SCAMP1: variants seen among roughly 807,000 people sequenced by gnomAD.
The protein encoded by SCAMP1 is secretory carrier-associated membrane protein 1.
In SCAMP1, 15 loss-of-function variants were observed where a neutral mutation model predicts 41.8. That is an observed-to-expected ratio of 0.36 (90% CI 0.24 to 0.55). The LOEUF is 0.55. Among genes scored for constraint, SCAMP1 ranks in the 20% least tolerant of loss-of-function variants. The pLI is 0.86. For synonymous variants in SCAMP1, 135 were observed against 136.8 expected (o/e 0.99, Z 0.09); for missense variants, 341 against 412.6 (o/e 0.83, Z 1.50).
At chr5:78,392,185 C>T (rs1367656197) in intron 2 of SCAMP1, among the ~76,000 whole-genome samples, 2 of 149,206 alleles carry the variant, frequency 1.3e-5, no homozygotes, top group African/African-American at 5.2e-5. Flanking sequence ...TTAGATTACT[C>T]TTATCAGTTG....
chr5:78,377,774 A>C (rs1751102959), intron 1 of SCAMP1, among the ~76,000 whole-genome samples: 1 of 152,110 alleles, frequency 6.6e-6, no homozygotes, highest in Admixed American at 6.6e-5. Flanking sequence ...TAGCAGCCTC[A>C]CCTGTCACTT....
At chr5:78,454,398 G>A (rs1753328489) in intron 7 of SCAMP1, among the ~76,000 whole-genome samples, 1 of 152,144 alleles carries the variant, frequency 6.6e-6, no homozygotes. Flanking sequence ...ATGAAGTGTT[G>A]TTGAATTTTG....
Position 78,406,566 on chromosome 5 carries a change from T to G in SCAMP1, c.136-8954T>G, listed in dbSNP as rs1751940149. ...TTTAAAATGAATCACCCTTGGAATT[T>G]CCAGTGCAGAGAGCTTACTATATTA... is the stretch of plus-strand genomic sequence containing the variant. On this transcript the variant is annotated intron_variant, in intron 2 of 8. Coordinates refer to ENST00000621999, the MANE Select transcript of SCAMP1 (RefSeq NM_004866.6). 1.3e-5 allele frequency among the ~76,000 whole-genome samples: 2 copies of G among 152,282 alleles called. 1 individual carries two copies. The highest frequency in any genetic ancestry group is 4.1e-4 in the South Asian group (2 of 4,830).
chr5:78,460,816 C>CTTTCTTTCTTT lies in SCAMP1; in HGVS notation c.852+1454_852+1455insTTTCTTTCTTT, dbSNP rs1325107681. Among the ~76,000 whole-genome samples, 17 of 26,820 alleles carry CTTTCTTTCTTT rather than the reference C, an allele frequency of 6.3e-4. 1 individual carries two copies. Among genetic ancestry groups the CTTTCTTTCTTT allele is most frequent in the African/African-American group, 1.5e-3 (17 of 11,544 alleles). 17.6% of individuals were successfully genotyped at this position (26,820 alleles called of 152,430 possible). ...TCCTTCCTTCCTTCCTCCCTTCCTTCCTTCCTTTCTTGTCTTTCCTCTATC... is the reference window on the plus strand; with the variant it reads ...TCCTTCCTTCCTTCCTCCCTTCCTTCTTTCTTTCTTTCTTCCTTTCTTGTCTTTCCTCTATC... On this transcript the variant is annotated intron_variant, in intron 8 of 8. Coordinates refer to ENST00000621999, the MANE Select transcript of SCAMP1 (RefSeq NM_004866.6).
chr5:78,392,427 G>A (rs1751543543), intron 2 of SCAMP1, among the ~76,000 whole-genome samples: 1 of 152,140 alleles, frequency 6.6e-6, no homozygotes, highest in Non-Finnish European at 1.5e-5. Context: ...AGTTGCTTAA[G>A]AAATAGAAAA....
At chr5:78,387,043 A>G (rs933461613) in intron 1 of SCAMP1, among the ~76,000 whole-genome samples, 1 of 152,188 alleles carries the variant, frequency 6.6e-6, no homozygotes. Flanking sequence ...ATTCTTTCAA[A>G]TATGTTTTCC....
chr5:78,469,907 AAAAAAC>A (rs1561290913), intron 8 of SCAMP1, among the ~76,000 whole-genome samples: 4 of 54,266 alleles, frequency 7.4e-5, no homozygotes, highest in Admixed American at 1.5e-4. Flanking sequence ...AAAAAAAAAA[AAAAAAC>A]AAAAAAAAAA....
intron 4 of SCAMP1, among the ~76,000 whole-genome samples, chr5:78,417,892 A>G (rs190222776): frequency 6.6e-6 from 1 of 152,250 alleles, no homozygotes; most frequent in African/African-American, 2.4e-5. Context: ...TGTTCTTTCT[A>G]TAAAAATTAC....
intron 1 of SCAMP1, among the ~76,000 whole-genome samples, chr5:78,376,031 C>G (rs886264040): frequency 6.6e-6 from 1 of 151,968 alleles, no homozygotes; most frequent in Non-Finnish European, 1.5e-5. Flanking sequence ...AGTCAGGGAC[C>G]CCGACTGTTC....
At chr5:78,392,872 A>ATAT (rs1422418528) in intron 2 of SCAMP1, among the ~76,000 whole-genome samples, 1 of 152,186 alleles carries the variant, frequency 6.6e-6, no homozygotes, top group Non-Finnish European at 1.5e-5. Flanking sequence ...TTTAAGTGGT[A>ATAT]TATTAGCATT....
At position 78,415,628 on chromosome 5, in the gene SCAMP1, T is replaced by C; in HGVS notation, c.234+10T>C. On this transcript the variant is annotated intron_variant, in intron 3 of 8. Coordinates refer to ENST00000621999, the MANE Select transcript of SCAMP1 (RefSeq NM_004866.6). ...TACACAGATTGCAAAGGTTAGTTCA[T>C]GTTAGTTGTATAAATTCATATTGGC... The C allele has an allele frequency of 2.0e-6, 3 of 1,521,190 alleles. No homozygotes were observed. The highest frequency in any genetic ancestry group is 1.4e-5 in the African/African-American group (1 of 73,046). 94.2% of individuals were successfully genotyped at this position (1,521,190 alleles called of 1,614,324 possible). A position where few individuals can be genotyped will look rare whatever the true frequency, so the allele number is the denominator to read the frequency against.
chr5:78,401,859 C>G (rs1751807177), intron 2 of SCAMP1, among the ~76,000 whole-genome samples: 1 of 151,998 alleles, frequency 6.6e-6, no homozygotes, highest in South Asian at 2.1e-4. Flanking sequence ...TTCTTTCCTT[C>G]TGCTTATTTT....
At chr5:78,433,118 A>AT (rs1752663077) in intron 6 of SCAMP1, among the ~76,000 whole-genome samples, 1 of 152,112 alleles carries the variant, frequency 6.6e-6, no homozygotes, top group South Asian at 2.1e-4. Flanking sequence ...AAGATGCCCC[A>AT]TCTCCTCATG....
At chr5:78,372,981 T>TAAC (rs1750977397) in intron 1 of SCAMP1, among the ~76,000 whole-genome samples, 1 of 152,066 alleles carries the variant, frequency 6.6e-6, no homozygotes, top group Non-Finnish European at 1.5e-5. Flanking sequence ...ATAAGAAACA[T>TAAC]AACAACAACA....
At chr5:78,475,469 T>C (rs991819934) in intron 8 of SCAMP1, 35 bp from the exon 9 acceptor site, 2 of 1,512,016 alleles carry the variant, frequency 1.3e-6, no homozygotes, top group East Asian at 2.4e-5. Context: ...CGTAGGTTGC[T>C]ACTTACCTTC....
At chr5:78,456,590 C>T (rs1469296328) in intron 7 of SCAMP1, among the ~76,000 whole-genome samples, 2 of 150,048 alleles carry the variant, frequency 1.3e-5, no homozygotes, top group Non-Finnish European at 3.0e-5. Context: ...GAGGGTAACC[C>T]GACCTTTCTC....
chr5:78,393,244 G>A (rs981145259), intron 2 of SCAMP1, among the ~76,000 whole-genome samples: 2 of 152,144 alleles, frequency 1.3e-5, no homozygotes, highest in East Asian at 1.9e-4. Flanking sequence ...TGGCACAGTC[G>A]TTGCTCATTG....
intron 8 of SCAMP1, 80 bp from the exon 9 acceptor site, chr5:78,475,424 T>G: frequency 9.7e-7 from 1 of 1,035,758 alleles, no homozygotes; most frequent in South Asian, 2.2e-5. Flanking sequence ...TTATGTTTGA[T>G]TAATGTTGAG....
In SCAMP1 at chr5:78,476,619, TA is replaced by T. The variant is rs1277405190; in HGVS notation, c.*954del. The T allele has an allele frequency of 1.3e-5, 2 of 152,628 alleles. No homozygotes were observed. Among genetic ancestry groups the T allele is most frequent in the East Asian group, 3.9e-4 (2 of 5,186 alleles). The allele number at this position is 152,628 out of a possible 1,614,324, so 9.5% of individuals were successfully genotyped here. A position where few individuals can be genotyped will look rare whatever the true frequency, so the allele number is the denominator to read the frequency against. On this transcript the variant is annotated 3_prime_UTR_variant, in exon 9 of 9. Transcript: ENST00000621999. ...TGTGTGTGATTTTTAACAGAGGTATTAAAGGCTAGCCTAACTGTTGTCTAAA... is the reference window on the plus strand; with the variant it reads ...TGTGTGTGATTTTTAACAGAGGTATTAAGGCTAGCCTAACTGTTGTCTAAA...
Sources: gnomAD v4.1 joint callset for allele counts (sites outside exome capture counted in the v4.1 genomes callset) on GRCh38, gnomAD v4.1.1 for gene constraint, MANE v1.5 for transcripts, NCBI Gene and HGNC (gene_info 2026-07-23, HGNC 2026-07-21) for gene names.